Variants in USP28 observed in about 807,000 individuals in gnomAD.
USP28 encodes the protein ubiquitin carboxyl-terminal hydrolase 28.
In USP28, 113 loss-of-function variants were observed where a neutral mutation model predicts 145.0. That is an observed-to-expected ratio of 0.78 (90% confidence interval 0.67 to 0.91). The LOEUF (loss-of-function observed/expected upper bound fraction) is 0.91, where lower values mean the gene tolerates loss of function less well. USP28 is among the 40% of genes least tolerant of loss of function. The probability of loss-of-function intolerance (pLI) is 0.00; values close to 1 mark genes in which losing one functional copy is unlikely to be tolerated. For synonymous variants in USP28, 447 were observed against 450.9 expected, an observed-to-expected ratio of 0.99 and a Z score of 0.11; for missense variants, 1,201 against 1,289.6, an observed-to-expected ratio of 0.93 and a Z score of 1.05.
chr11:113,864,469 G>A (rs1341278585), intron 1 of USP28, among the ~76,000 whole-genome samples: 1 of 152,148 alleles, frequency 6.6e-6, no homozygotes, highest in African/African-American at 2.4e-5. Flanking sequence ...CAGGAGACCA[G>A]CGGTGTAGTG....
At chr11:113,873,403 C>T (rs1949019171) in intron 1 of USP28, among the ~76,000 whole-genome samples, 1 of 152,186 alleles carries the variant, frequency 6.6e-6, no homozygotes, top group Admixed American at 6.5e-5. Flanking sequence ...TCCAGCCAGC[C>T]ACAGCCACTG....
At chr11:113,814,228 G>A (rs1941391797) in intron 14 of USP28, among the ~76,000 whole-genome samples, 1 of 152,084 alleles carries the variant, frequency 6.6e-6, no homozygotes, top group Non-Finnish European at 1.5e-5. Context: ...ATCTTAATGG[G>A]TCACTTGGCT....
intron 16 of USP28, among the ~76,000 whole-genome samples, chr11:113,810,723 T>A (rs956272160): frequency 6.6e-6 from 1 of 152,262 alleles, no homozygotes; most frequent in East Asian, 1.9e-4. Flanking sequence ...TTGCCCAGGC[T>A]GGGTGCAGTG....
intron 12 of USP28, chr11:113,821,419 T>C: frequency 4.4e-6 from 1 of 226,596 alleles, no homozygotes; most frequent in East Asian, 1.1e-4. Context: ...GCATTTATTC[T>C]GAGTGAGCTT....
intron 2 of USP28, among the ~76,000 whole-genome samples, chr11:113,853,175 C>T (rs1289536828): frequency 6.6e-6 from 1 of 151,800 alleles, no homozygotes; most frequent in Non-Finnish European, 1.5e-5. Context: ...TGAGTCCCAG[C>T]TACTAGGGAG....
At chr11:113,829,502 A>C in intron 9 of USP28, 157 bp from the exon 10 acceptor site, 4 of 804,966 alleles carry the variant, frequency 5.0e-6, no homozygotes, top group Non-Finnish European at 7.7e-6. Context: ...TGAGCCAGTC[A>C]ATCTAGACAC....
intron 10 of USP28, among the ~76,000 whole-genome samples, chr11:113,828,308 G>C (rs986094000): frequency 6.6e-6 from 1 of 152,150 alleles, no homozygotes; most frequent in African/African-American, 2.4e-5. Context: ...GTCTCCACAG[G>C]CCTAAGTATA....
chr11:113,855,331 T>C (rs1422462573), intron 1 of USP28, among the ~76,000 whole-genome samples: 1 of 151,858 alleles, frequency 6.6e-6, no homozygotes, highest in Admixed American at 6.6e-5. Flanking sequence ...AAACACCGAT[T>C]TGCAAGTACA....
intron 5 of USP28, among the ~76,000 whole-genome samples, chr11:113,838,423 T>TC (rs1287188739): frequency 1.3e-5 from 2 of 152,160 alleles, no homozygotes; most frequent in African/African-American, 2.4e-5. Flanking sequence ...TCCCAAATCT[T>TC]CATCATGACC....
intron 1 of USP28, among the ~76,000 whole-genome samples, chr11:113,861,798 T>C (rs1419723165): frequency 6.6e-6 from 1 of 152,190 alleles, no homozygotes; most frequent in Non-Finnish European, 1.5e-5. Flanking sequence ...TAAGACAATA[T>C]TTTTCATTTC....
intron 3 of USP28, among the ~76,000 whole-genome samples, chr11:113,851,852 C>CA (rs58139047): frequency 0.77 from 116,912 of 150,992 alleles, 45,866 homozygotes; most frequent in East Asian, 0.89. Context: ...TCATTTCTTT[C>CA]TTCTGTCCTT....
chr11:113,831,047 C>T, intron 8 of USP28, 104 bp from the exon 9 acceptor site: 1 of 1,130,508 alleles, frequency 8.8e-7, no homozygotes, highest in Non-Finnish European at 1.3e-6. Context: ...TTTTCATCAA[C>T]CCCCAAAGAG....
chr11:113,835,251 T>C (rs539046999), intron 5 of USP28: 8 of 455,926 alleles, frequency 1.8e-5, no homozygotes, highest in African/African-American at 8.0e-5. Context: ...TGTATGAATA[T>C]ACAACTCCTC....
exon 23 of USP28, chr11:113,803,166 A>C: frequency 6.2e-7 from 1 of 1,613,710 alleles, no homozygotes. Flanking sequence ...ACCAGAAGGC[A>C]TTTTCTTCGG....
At chr11:113,871,430 A>C (rs901956350) in intron 1 of USP28, among the ~76,000 whole-genome samples, 2 of 152,150 alleles carry the variant, frequency 1.3e-5, no homozygotes, top group Non-Finnish European at 2.9e-5. Flanking sequence ...TATACAATTT[A>C]CACATAACTC....
At chr11:113,817,066 A>G (rs949217336) in intron 13 of USP28, among the ~76,000 whole-genome samples, 2 of 152,296 alleles carry the variant, frequency 1.3e-5, no homozygotes, top group African/African-American at 4.8e-5. Context: ...TTAGCCAGGT[A>G]ACACATATCA....
rs536819960 is a variant in USP28, at chr11:113,815,543, C to T, written c.1464-161G>A. On this transcript the variant is annotated intron_variant, in intron 13 of 24. Transcript: ENST00000003302. ...GCCAACCTTTTTCTCTATCATCTCACGTACCACAACTGGCCTGTGAGGTAG... is the reference window on the plus strand; with the variant it reads ...GCCAACCTTTTTCTCTATCATCTCATGTACCACAACTGGCCTGTGAGGTAG... 2.6e-5 allele frequency among the ~76,000 whole-genome samples: 4 copies of T among 152,332 alleles called. No homozygotes were observed. The South Asian group carries it at 6.2e-4, about 24-fold the overall frequency.
chr11:113,827,249 T>C, exon 11 of USP28: 2 of 1,608,618 alleles, frequency 1.2e-6, no homozygotes, highest in Non-Finnish European at 1.7e-6. Context: ...ATATAAATAA[T>C]CTGAGGAAAT....
At chr11:113,807,376 G>A (rs532926197) in intron 18 of USP28, among the ~76,000 whole-genome samples, 1,203 of 98,248 alleles carry the variant, frequency 0.012, 18 homozygotes, top group African/African-American at 0.037. Flanking sequence ...GCCCAGCCTT[G>A]TCAATGATTT....
Sources: allele counts gnomAD v4.1 joint callset (sites outside exome capture counted in the v4.1 genomes callset), GRCh38; gene constraint gnomAD v4.1.1; transcripts MANE v1.5; gene names NCBI Gene and HGNC (gene_info 2026-07-23, HGNC 2026-07-21).